Variants in ANKLE2 observed in about 807,000 individuals in gnomAD.
ANKLE2 encodes ankyrin repeat and LEM domain-containing protein 2.
ANKLE2 carries 55 observed loss-of-function variants against 84.2 expected under a neutral mutation model. That is an observed-to-expected ratio of 0.65 (90% confidence interval 0.53 to 0.82). The LOEUF (loss-of-function observed/expected upper bound fraction) is 0.82, where lower values mean the gene tolerates loss of function less well. Among genes scored for constraint, ANKLE2 ranks in the 40% least tolerant of loss-of-function variants. The pLI is 0.00. For synonymous variants in ANKLE2, 551 were observed against 486.1 expected, an observed-to-expected ratio of 1.13 and a Z score of -1.76; for missense variants, 1,238 against 1,201.9, an observed-to-expected ratio of 1.03 and a Z score of -0.44.
intron 11 of ANKLE2, among the ~76,000 whole-genome samples, chr12:132,728,680 C>T (rs1247348094): frequency 1.3e-5 from 2 of 152,318 alleles, no homozygotes; most frequent in South Asian, 2.1e-4. Flanking sequence ...GCCAGGGAGG[C>T]GGATGCAGAC....
At chr12:132,752,660 C>T (rs922237107) in intron 2 of ANKLE2, among the ~76,000 whole-genome samples, 1 of 152,104 alleles carries the variant, frequency 6.6e-6, no homozygotes, top group Non-Finnish European at 1.5e-5. Context: ...TGAGCCACCG[C>T]GCCCGGCCCC....
intron 5 of ANKLE2, 25 bp downstream of exon 5, chr12:132,747,807 G>T: frequency 6.4e-7 from 1 of 1,572,138 alleles, no homozygotes; most frequent in Admixed American, 2.2e-5. Context: ...AATAAAGAAA[G>T]CGTGAGTGGA....
intron 1 of ANKLE2, chr12:132,758,528 ATT>A (rs147868815): frequency 2.0e-5 from 3 of 147,988 alleles, no homozygotes; most frequent in South Asian, 2.1e-4. Flanking sequence ...TCCATTAACA[ATT>A]TTTTTTTTTT....
intron 1 of ANKLE2, 97 bp downstream of exon 1, chr12:132,761,521 C>G: frequency 9.5e-7 from 1 of 1,050,924 alleles, no homozygotes; most frequent in Non-Finnish European, 1.2e-6. Flanking sequence ...CAACTGCTGC[C>G]GGCTCCAGGG....
rs1474425315 is a variant in ANKLE2, at chr12:132,755,060, G to T, written c.255C>A (p.Val85=). The change falls in exon 2 of 13, where the codon GTC becomes GTA. Residue 85 remains valine, a synonymous_variant. Transcript: ENST00000357997. The part of the protein sequence containing the change: ...LNPDDLREEI[V]KAGLKCGPIT... ...TGGGTCCACATTTCAATCCGGCTTT[G>T]ACGATTTCTTCTCTAAGGTCATCTG... 1.9e-6 allele frequency: 3 copies of T among 1,613,826 alleles called. No homozygotes were observed. The highest frequency in any genetic ancestry group is 3.3e-5 in the Admixed American group (2 of 59,974).
In ANKLE2 at chr12:132,737,144, C is replaced by T. The variant is rs184213858; in HGVS notation, c.1421-79G>A. On this transcript the variant is annotated intron_variant, in intron 7 of 12. Transcript: ENST00000357997. The stretch of plus-strand genomic sequence containing the variant: ...GCCTGGGTGAGCAGGACGGGGATCA[C>T]GCGAGCCCTTGCCAAGGCCTCTGCA... 612 of 1,471,988 alleles carry T rather than the reference C, an allele frequency of 4.2e-4. 1 individual carries two copies. The highest frequency in any genetic ancestry group is 1.3e-3 in the Admixed American group (58 of 43,180). The allele number at this position is 1,471,988 out of a possible 1,614,324, so 91.2% of individuals were successfully genotyped here.
chr12:132,735,732 T>C (rs1174047067), intron 8 of ANKLE2, among the ~76,000 whole-genome samples: 2 of 151,898 alleles, frequency 1.3e-5, no homozygotes, highest in African/African-American at 4.8e-5. Context: ...GTCTCCTTTC[T>C]TGCAGCCCCG....
Position 132,761,613 on chromosome 12 carries a change from C to A in ANKLE2, c.181+5G>T. ...GCGGGGACCCAGCGACCGCCTGGGCCTTACCTGAGGCGGGGGCGGCGGCCG... is the reference window on the plus strand; with the variant it reads ...GCGGGGACCCAGCGACCGCCTGGGCATTACCTGAGGCGGGGGCGGCGGCCG... On this transcript the variant is annotated splice_donor_5th_base_variant and intron_variant, in intron 1 of 12. Transcript: ENST00000357997. The A allele has an allele frequency of 8.0e-7, 1 of 1,250,742 alleles. No homozygotes were observed. Among genetic ancestry groups the A allele is most frequent in the Admixed American group, 4.3e-5 (1 of 23,514 alleles). 77.5% of individuals were successfully genotyped at this position (1,250,742 alleles called of 1,614,324 possible).
At position 132,743,387 on chromosome 12, in the gene ANKLE2, G is replaced by A. The variant is rs1049652964; in HGVS notation, c.1231-111C>T. The A allele has an allele frequency of 5.1e-5, 67 of 1,324,730 alleles. No individual in the cohort carries two copies. The highest frequency in any genetic ancestry group is 1.9e-4 in the Middle Eastern group (1 of 5,160). 82.1% of individuals were successfully genotyped at this position (1,324,730 alleles called of 1,614,324 possible). On this transcript the variant is annotated intron_variant, in intron 5 of 12. Coordinates refer to ENST00000357997, the MANE Select transcript of ANKLE2 (RefSeq NM_015114.3). The surrounding 1 kb of genome is among the most constrained non-coding windows in gnomAD (Gnocchi z 4.1). ...TTCATTCATTTATTTATTTTGAGAC[G>A]GAGTCTCACTGGCGTGATCTTGGCT...
intron 9 of ANKLE2, 63 bp downstream of exon 9, chr12:132,735,343 T>C (rs2043985997): frequency 7.0e-7 from 1 of 1,428,676 alleles, no homozygotes; most frequent in African/African-American, 1.4e-5. Flanking sequence ...TTTGACCTTC[T>C]GTCATTAATC....
chr12:132,734,935 C>A, intron 9 of ANKLE2: 1 of 289,860 alleles, frequency 3.4e-6, no homozygotes, highest in Non-Finnish European at 6.4e-6. Context: ...TGGTTCTAGT[C>A]ATGGCCAGGC....
intron 1 of ANKLE2, chr12:132,761,280 T>C (rs1020617034): frequency 9.4e-6 from 2 of 211,854 alleles, no homozygotes; most frequent in Non-Finnish European, 1.9e-5. Flanking sequence ...CGCCCTCCTT[T>C]GGGCCATCCC....
Position 132,754,783 on chromosome 12 carries a change from C to A in ANKLE2, c.532G>T (p.Val178Leu). 1 of 1,614,108 alleles carries A rather than the reference C, an allele frequency of 6.2e-7. No homozygotes were observed. The highest frequency in any genetic ancestry group is 8.5e-7 in the Non-Finnish European group (1 of 1,180,036). ...EEAVTSKTCS[V>L]PPSDTDTYRA... Reference sequence around the variant, plus strand: ...TAGGTGTCGGTGTCACTAGGGGGCACCGAGCAGGTCTTGGATGTCACAGCT... The same window carrying A: ...TAGGTGTCGGTGTCACTAGGGGGCAACGAGCAGGTCTTGGATGTCACAGCT... Residue 178 changes from valine to leucine, a missense_variant, in exon 2 of 13, where the codon GTG becomes TTG. Coordinates refer to ENST00000357997, the MANE Select transcript of ANKLE2 (RefSeq NM_015114.3).
At chr12:132,753,338 A>G (rs2044400545) in intron 2 of ANKLE2, among the ~76,000 whole-genome samples, 1 of 151,940 alleles carries the variant, frequency 6.6e-6, no homozygotes, top group South Asian at 2.1e-4. Context: ...AAAAACCACC[A>G]AAAACAACCA....
chr12:132,761,508 G>C (rs1313273586), intron 1 of ANKLE2, 110 bp downstream of exon 1: 1 of 965,300 alleles, frequency 1.0e-6, no homozygotes, highest in Non-Finnish European at 1.3e-6. Context: ...CGGCCGCCTC[G>C]CCCAACTGCT....
rs35254917 is a variant in ANKLE2, at chr12:132,734,368, C to T, written c.1891+17G>A. The T allele has an allele frequency of 2.5e-4, 402 of 1,612,408 alleles. No homozygotes were observed. The highest frequency in any genetic ancestry group is 3.2e-4 in the Non-Finnish European group (376 of 1,179,582). ...GGGCCCCTCCCAGCTGCCACAGCCACGCCTGCACATGCTTACCAGACGTGG... is the reference window on the plus strand; with the variant it reads ...GGGCCCCTCCCAGCTGCCACAGCCATGCCTGCACATGCTTACCAGACGTGG... On this transcript the variant is annotated intron_variant, in intron 10 of 12. Coordinates refer to ENST00000357997, the MANE Select transcript of ANKLE2 (RefSeq NM_015114.3).
chr12:132,749,283 G>A (rs2044307208), intron 3 of ANKLE2, among the ~76,000 whole-genome samples: 1 of 152,092 alleles, frequency 6.6e-6, no homozygotes, highest in South Asian at 2.1e-4. Flanking sequence ...AGCCTCCCAA[G>A]TAGCTGGGAT....
chr12:132,741,500 A>C lies in ANKLE2; in HGVS notation c.1354-15T>G. The C allele has an allele frequency of 1.2e-6, 2 of 1,612,022 alleles. No homozygotes were observed. Among genetic ancestry groups the C allele is most frequent in the Non-Finnish European group, 1.7e-6 (2 of 1,178,246 alleles). On this transcript the variant is annotated splice_polypyrimidine_tract_variant and intron_variant, in intron 6 of 12. Transcript: ENST00000357997. Reference sequence around the variant, plus strand: ...TCACAAATTACCTATTGGAAAAAAAAGTGTGTCTAAATCTTATTTGATCGC... The same window carrying C: ...TCACAAATTACCTATTGGAAAAAAACGTGTGTCTAAATCTTATTTGATCGC...
At position 132,734,676 on chromosome 12, in the gene ANKLE2, C is replaced by A. The variant is rs1395541589; in HGVS notation, c.1701-101G>T. On this transcript the variant is annotated intron_variant, in intron 9 of 12. Transcript: ENST00000357997. ...AAAGCTTCAAGTACCAAAGCAATGT[C>A]TGCAATCATGGTTATAATTTTCCTT... 2.6e-6 allele frequency: 3 copies of A among 1,169,108 alleles called. No individual in the cohort carries two copies. In the African/African-American group the frequency reaches 4.7e-5, roughly 18 times the overall value. 72.4% of individuals were successfully genotyped at this position (1,169,108 alleles called of 1,614,324 possible). A position where few individuals can be genotyped will look rare whatever the true frequency, so the allele number is the denominator to read the frequency against.
Sources: allele counts gnomAD v4.1 joint callset (sites outside exome capture counted in the v4.1 genomes callset), GRCh38; gene constraint gnomAD v4.1.1; non-coding constraint Gnocchi (gnomAD v3.1); transcripts MANE v1.5; gene names NCBI Gene and HGNC (gene_info 2026-07-23, HGNC 2026-07-21).